ITGA1: variants seen among roughly 807,000 people sequenced by gnomAD.
ITGA1 encodes the protein integrin alpha-1.
In ITGA1, 85 loss-of-function variants were observed where a neutral mutation model predicts 145.9. The observed-to-expected ratio is 0.58, with a 90% CI of 0.49 to 0.70. The LOEUF is 0.70. Among genes scored for constraint, ITGA1 ranks in the 30% least tolerant of loss-of-function variants. ITGA1 has a pLI of 0.00. For synonymous variants in ITGA1, 520 were observed against 495.3 expected (o/e 1.05, Z -0.66); for missense variants, 1,351 against 1,418.7 (o/e 0.95, Z 0.77).
rs1328519322 is a variant in ITGA1, at chr5:52,958,606, T to G, written c.*6155T>G. Reference sequence around the variant, plus strand: ...GCAAGAGATGCTCTGCATTCCTTATTAGGAAAAATTGGCCTGTAAGGAGAA... The same window carrying G: ...GCAAGAGATGCTCTGCATTCCTTATGAGGAAAAATTGGCCTGTAAGGAGAA... On this transcript the variant is annotated 3_prime_UTR_variant, in exon 29 of 29. Transcript: ENST00000282588. The G allele has an allele frequency of 2.6e-5, 4 of 152,184 alleles. No individual in the cohort carries two copies. In the East Asian group the frequency reaches 7.7e-4, roughly 29 times the overall value. 9.4% of individuals were successfully genotyped at this position (152,184 alleles called of 1,614,324 possible).
At chr5:52,878,669 C>A (rs1749906430) in intron 6 of ITGA1, among the ~76,000 whole-genome samples, 1 of 152,114 alleles carries the variant, frequency 6.6e-6, no homozygotes, top group South Asian at 2.1e-4. Flanking sequence ...TAAATGAGAA[C>A]AACGTGGACT....
intron 12 of ITGA1, among the ~76,000 whole-genome samples, chr5:52,906,263 A>G (rs765350540): frequency 2.0e-5 from 3 of 152,336 alleles, no homozygotes; most frequent in Admixed American, 6.5e-5. Flanking sequence ...TTATTAGAAG[A>G]TGAAATTCGG....
Position 52,788,358 on chromosome 5 carries a change from C to T in ITGA1, c.5C>T (p.Ala2Val). 6.6e-7 allele frequency: 1 copy of T among 1,509,234 alleles called. No homozygotes were observed. The allele number at this position is 1,509,234 out of a possible 1,614,324, so 93.5% of individuals were successfully genotyped here. ...GGCGCTGAGGCTGCTCCGGCCATGG[C>T]CCCTCGGCCCCGCGCCCGCCCAGGG... M[A>V]PRPRARPGVA... The change falls in exon 1 of 29, where the codon GCC (alanine) becomes GTC (valine). Residue 2 changes from alanine to valine, a missense_variant. Coordinates refer to ENST00000282588, the MANE Select transcript of ITGA1 (RefSeq NM_181501.2).
chr5:52,897,210 G>A (rs987624147), intron 9 of ITGA1, among the ~76,000 whole-genome samples: 4 of 152,132 alleles, frequency 2.6e-5, no homozygotes, highest in African/African-American at 9.7e-5. Context: ...CAACCCCTCT[G>A]GCGAGGACAG....
intron 3 of ITGA1, among the ~76,000 whole-genome samples, chr5:52,864,266 T>C (rs927941661): frequency 1.3e-5 from 2 of 152,350 alleles, no homozygotes; most frequent in East Asian, 1.9e-4. Flanking sequence ...ACTGCTCTAA[T>C]ATTCCTCTAG....
At chr5:52,908,773 AT>A (rs914409648) in intron 12 of ITGA1, 124 bp from the exon 13 acceptor site, 6 of 983,482 alleles carry the variant, frequency 6.1e-6, no homozygotes, top group Non-Finnish European at 7.6e-6. Flanking sequence ...ATCAATTTTT[AT>A]CTTTCATTTC....
chr5:52,878,913 G>A (rs1430813076), intron 6 of ITGA1, among the ~76,000 whole-genome samples: 9 of 149,782 alleles, frequency 6.0e-5, no homozygotes, highest in African/African-American at 2.0e-4. Context: ...TTAAATGTTT[G>A]CAAATAAATG....
At chr5:52,832,158 G>C (rs1207620188) in intron 1 of ITGA1, among the ~76,000 whole-genome samples, 1 of 152,098 alleles carries the variant, frequency 6.6e-6, no homozygotes, top group Non-Finnish European at 1.5e-5. Context: ...GAGAGAATCA[G>C]ACCCATGTAA....
chr5:52,867,904 T>C (rs1040043863), intron 6 of ITGA1, among the ~76,000 whole-genome samples: 2 of 152,008 alleles, frequency 1.3e-5, no homozygotes, highest in African/African-American at 4.8e-5. Context: ...CAGTACCATC[T>C]AATGCCCCTG....
At chr5:52,878,817 C>T (rs963171190) in intron 6 of ITGA1, among the ~76,000 whole-genome samples, 2 of 151,904 alleles carry the variant, frequency 1.3e-5, no homozygotes, top group Non-Finnish European at 2.9e-5. Flanking sequence ...GCCACAGAAG[C>T]ATATAGAGAG....
chr5:52,899,933 T>C (rs912781275), intron 11 of ITGA1, among the ~76,000 whole-genome samples: 2 of 152,162 alleles, frequency 1.3e-5, no homozygotes, highest in African/African-American at 4.8e-5. Context: ...AGTGTTTATA[T>C]CACGATACCA....
At chr5:52,795,017 T>C (rs535026743) in intron 1 of ITGA1, among the ~76,000 whole-genome samples, 4 of 152,146 alleles carry the variant, frequency 2.6e-5, no homozygotes, top group African/African-American at 9.6e-5. Context: ...AATAGGCTTA[T>C]ACAAACTTAC....
intron 1 of ITGA1, among the ~76,000 whole-genome samples, chr5:52,822,708 G>T (rs1211155900): frequency 6.6e-6 from 1 of 152,180 alleles, no homozygotes; most frequent in Non-Finnish European, 1.5e-5. Flanking sequence ...GCTGCAGAAG[G>T]CCTATTACTT....
At chr5:52,834,231 G>T (rs1439804841) in intron 1 of ITGA1, among the ~76,000 whole-genome samples, 5 of 152,166 alleles carry the variant, frequency 3.3e-5, no homozygotes, top group Non-Finnish European at 7.4e-5. Context: ...GTCTTAGTCT[G>T]CTTAGTTGCC....
chr5:52,929,165 C>T (rs1003056812), intron 20 of ITGA1, among the ~76,000 whole-genome samples: 9 of 152,158 alleles, frequency 5.9e-5, no homozygotes, highest in Non-Finnish European at 1.5e-5. Flanking sequence ...AAAGTAAACA[C>T]ACTGGTAGAT....
At chr5:52,792,949 T>C (rs1748269854) in intron 1 of ITGA1, among the ~76,000 whole-genome samples, 1 of 152,140 alleles carries the variant, frequency 6.6e-6, no homozygotes, top group Non-Finnish European at 1.5e-5. Flanking sequence ...TGCATATATT[T>C]CTATCTTCAA....
chr5:52,809,355 G>A (rs1561214949), intron 1 of ITGA1, among the ~76,000 whole-genome samples: 1 of 152,024 alleles, frequency 6.6e-6, no homozygotes, highest in East Asian at 1.9e-4. Context: ...GAGCTCAGAG[G>A]GCTAACTCAG....
intron 26 of ITGA1, among the ~76,000 whole-genome samples, chr5:52,944,239 C>A (rs1043127766): frequency 1.3e-5 from 2 of 152,134 alleles, no homozygotes; most frequent in African/African-American, 2.4e-5. Context: ...ATCCACCTGC[C>A]AGCTCACACA....
At chr5:52,884,691 C>T (rs761942483) in intron 7 of ITGA1, among the ~76,000 whole-genome samples, 11 of 152,104 alleles carry the variant, frequency 7.2e-5, no homozygotes, top group Admixed American at 1.3e-4. Context: ...TAGACTGGCT[C>T]AACAGGATTC....
Sources: allele counts gnomAD v4.1 joint callset (sites outside exome capture counted in the v4.1 genomes callset), GRCh38; gene constraint gnomAD v4.1.1; transcripts MANE v1.5; gene names NCBI Gene and HGNC (gene_info 2026-07-23, HGNC 2026-07-21).